VPS35L: variants seen among roughly 807,000 people sequenced by gnomAD.
VPS35L encodes the protein VPS35 endosomal protein-sorting factor-like.
A neutral mutation model predicts 133.0 loss-of-function variants in VPS35L; 83 were observed. The observed-to-expected ratio is 0.62, with a 90% CI of 0.52 to 0.75. The LOEUF is 0.75. VPS35L is among the 30% of genes least tolerant of loss of function. VPS35L has a pLI of 0.00. For missense variants in VPS35L, 1,083 were observed against 1,206.8 expected (o/e 0.90, Z 1.52); for synonymous variants, 423 against 449.9 (o/e 0.94, Z 0.76).
intron 29 of VPS35L, among the ~76,000 whole-genome samples, chr16:19,696,007 C>A (rs915592973): frequency 2.6e-5 from 4 of 152,012 alleles, no homozygotes; most frequent in Non-Finnish European, 5.9e-5. Context: ...CTGCCTCAGG[C>A]TTCCGAGTAG....
At chr16:19,696,737 AAC>A (rs1975926321) in intron 29 of VPS35L, among the ~76,000 whole-genome samples, 1 of 152,140 alleles carries the variant, frequency 6.6e-6, no homozygotes, top group South Asian at 2.1e-4. Context: ...TGGCATTTAA[AAC>A]ACATGCGAAT....
intron 15 of VPS35L, among the ~76,000 whole-genome samples, chr16:19,626,773 A>T (rs1973277553): frequency 6.6e-6 from 1 of 152,062 alleles, no homozygotes; most frequent in South Asian, 2.1e-4. Flanking sequence ...AAAACAAAAG[A>T]AAAAAAGTAA....
At chr16:19,608,488 C>T (rs2353933) in intron 10 of VPS35L, 33,862 of 518,464 alleles carry the variant, frequency 0.065, 2,126 homozygotes, top group East Asian at 0.24. Context: ...ACTTTGAATA[C>T]GATGCCATGT....
intron 26 of VPS35L, among the ~76,000 whole-genome samples, chr16:19,659,073 T>G (rs1974398468): frequency 6.6e-6 from 1 of 152,188 alleles, no homozygotes; most frequent in African/African-American, 2.4e-5. Context: ...TAATCCCAAG[T>G]GCACGTGGTT....
chr16:19,561,318 C>T (rs539637687), intron 1 of VPS35L, among the ~76,000 whole-genome samples: 55 of 152,250 alleles, frequency 3.6e-4, no homozygotes, highest in South Asian at 2.1e-3. Context: ...TTGCACTGAG[C>T]GGAGATCGCG....
chr16:19,660,134 G>A (rs1474516697), intron 26 of VPS35L, among the ~76,000 whole-genome samples: 2 of 151,966 alleles, frequency 1.3e-5, no homozygotes, highest in South Asian at 2.1e-4. Flanking sequence ...AGACCAGCCC[G>A]GCCAACATGA....
chr16:19,653,976 C>G (rs576611353), intron 26 of VPS35L, among the ~76,000 whole-genome samples: 1 of 152,222 alleles, frequency 6.6e-6, no homozygotes, highest in South Asian at 2.1e-4. Context: ...GAGCTGGTGC[C>G]TGCCCACCTC....
intron 8 of VPS35L, among the ~76,000 whole-genome samples, chr16:19,592,619 C>G (rs1271589353): frequency 6.6e-6 from 1 of 151,974 alleles, no homozygotes; most frequent in Non-Finnish European, 1.5e-5. Flanking sequence ...TGTCCAGTCA[C>G]CAGATTCTTC....
At chr16:19,625,883 A>G (rs1973245641) in intron 14 of VPS35L, among the ~76,000 whole-genome samples, 2 of 152,122 alleles carry the variant, frequency 1.3e-5, no homozygotes, top group Admixed American at 1.3e-4. Flanking sequence ...CATGTTGGCC[A>G]GACTAGTCTC....
chr16:19,561,336 A>C (rs1014615826), intron 1 of VPS35L, among the ~76,000 whole-genome samples: 1 of 152,186 alleles, frequency 6.6e-6, no homozygotes, highest in Non-Finnish European at 1.5e-5. Context: ...GCGCCACTGC[A>C]CTCCAGCCTG....
intron 28 of VPS35L, among the ~76,000 whole-genome samples, chr16:19,682,935 G>A (rs1975339173): frequency 6.6e-6 from 1 of 151,968 alleles, no homozygotes; most frequent in Admixed American, 6.6e-5. Flanking sequence ...TTGATTGATT[G>A]ATTGATTGAG....
At chr16:19,679,311 T>C (rs1471639782) in intron 27 of VPS35L, among the ~76,000 whole-genome samples, 1 of 151,878 alleles carries the variant, frequency 6.6e-6, no homozygotes, top group African/African-American at 2.4e-5. Flanking sequence ...CTTTTTTTCT[T>C]TTTGTAAGAT....
intron 5 of VPS35L, among the ~76,000 whole-genome samples, chr16:19,576,493 A>G (rs780448466): frequency 2.0e-5 from 3 of 152,166 alleles, no homozygotes; most frequent in Non-Finnish European, 4.4e-5. Context: ...TTGTATGAAT[A>G]TAGATGCCTG....
intron 7 of VPS35L, among the ~76,000 whole-genome samples, chr16:19,591,170 A>G (rs576948636): frequency 4.6e-5 from 7 of 152,190 alleles, no homozygotes; most frequent in Admixed American, 3.3e-4. Flanking sequence ...GTGTGAGTTT[A>G]TGAAGCCTTG....
chr16:19,560,925 A>C (rs1971009261), intron 1 of VPS35L, among the ~76,000 whole-genome samples: 1 of 151,920 alleles, frequency 6.6e-6, no homozygotes, highest in African/African-American at 2.4e-5. Flanking sequence ...GGATTGCCTG[A>C]TAGCATCCTT....
chr16:19,642,691 G>C (rs1973823886), intron 22 of VPS35L, among the ~76,000 whole-genome samples: 2 of 152,312 alleles, frequency 1.3e-5, no homozygotes, highest in South Asian at 4.1e-4. Context: ...TTGTTAGAAA[G>C]GAGTTTATGT....
intron 7 of VPS35L, among the ~76,000 whole-genome samples, chr16:19,586,280 G>A (rs913566931): frequency 1.3e-5 from 2 of 151,942 alleles, no homozygotes; most frequent in South Asian, 4.2e-4. Context: ...TTGTCTTTTT[G>A]TTTTCATAAT....
rs1295561525 is a variant in VPS35L, at chr16:19,561,537, TG to T, written c.18-3311del. Among the ~76,000 whole-genome samples the T allele has an allele frequency of 1.8e-4, 28 of 152,226 alleles. 1 individual carries two copies. The South Asian group carries it at 4.6e-3, about 25-fold the overall frequency. ...GGGTTTCTGGGTTAATGGAGGATAT[TG>T]GGTAAAGCTGACTAGTTGCACGGCA... is the stretch of plus-strand genomic sequence containing the variant. On this transcript the variant is annotated intron_variant, in intron 1 of 30. Transcript: ENST00000417362.
At chr16:19,597,680 C>T (rs9931300) in intron 8 of VPS35L, among the ~76,000 whole-genome samples, 1 of 152,172 alleles carries the variant, frequency 6.6e-6, no homozygotes, top group Non-Finnish European at 1.5e-5. Context: ...GGTGTTCCCA[C>T]GGTGCTGTTG....
Sources: allele counts gnomAD v4.1 joint callset (sites outside exome capture counted in the v4.1 genomes callset), GRCh38; gene constraint gnomAD v4.1.1; transcripts MANE v1.5; gene names NCBI Gene and HGNC (gene_info 2026-07-23, HGNC 2026-07-21).